The following PRIM2 variants were observed in gnomAD, a reference collection of about 807,000 sequenced individuals.
The protein encoded by PRIM2 is DNA primase subunit 2.
Under a neutral mutation model 67.3 loss-of-function variants are expected in PRIM2, and 39 were observed. The ratio of observed to expected loss-of-function variants is 0.58; its 90% confidence interval spans 0.45 to 0.76. The LOEUF is 0.76. PRIM2 is among the 30% of genes least tolerant of loss of function. PRIM2 has a pLI of 0.00. For missense variants in PRIM2, 398 were observed against 598.7 expected (o/e 0.66, Z 3.50); for synonymous variants, 143 against 198.7 (o/e 0.72, Z 2.36).
At chr6:57,550,248 A>G (rs1351557078) in intron 10 of PRIM2, among the ~76,000 whole-genome samples, 6 of 150,546 alleles carry the variant, frequency 4.0e-5, no homozygotes, top group African/African-American at 1.5e-4. Flanking sequence ...ATTCTCTCTT[A>G]TAAATATTTT....
intron 12 of PRIM2, among the ~76,000 whole-genome samples, chr6:57,626,881 C>G (rs1776957600): frequency 6.6e-6 from 1 of 152,026 alleles, no homozygotes; most frequent in Non-Finnish European, 1.5e-5. Context: ...CTGCCCTGGC[C>G]TCCCAAAGTG....
intron 9 of PRIM2, among the ~76,000 whole-genome samples, chr6:57,535,653 T>C (rs1284244161): frequency 1.3e-5 from 2 of 152,098 alleles, no homozygotes; most frequent in South Asian, 2.1e-4. Context: ...TCACCTGAGG[T>C]CAGGAGTTCG....
At chr6:57,526,647 T>G in intron 8 of PRIM2, among the ~76,000 whole-genome samples, 1 of 152,344 alleles carries the variant, frequency 6.6e-6, no homozygotes, top group Non-Finnish European at 1.5e-5. Flanking sequence ...TATGAAACAT[T>G]AGGAGTAGGA....
At chr6:57,294,051 ATTAG>A in the PRIM2 span, among the ~76,000 whole-genome samples, 34 of 152,360 alleles carry the variant, frequency 2.2e-4, no homozygotes, top group African/African-American at 7.7e-4. Flanking sequence ...ATAATTAGAA[ATTAG>A]TTAAATATAT....
intron 5 of PRIM2, among the ~76,000 whole-genome samples, chr6:57,365,166 G>C (rs1769317170): frequency 6.7e-6 from 1 of 148,920 alleles, no homozygotes; most frequent in African/African-American, 2.5e-5. Flanking sequence ...TAATAGAGAA[G>C]TATTATTTCT....
intron 10 of PRIM2, among the ~76,000 whole-genome samples, chr6:57,549,261 T>C (rs1300472089): frequency 6.6e-6 from 1 of 152,214 alleles, no homozygotes; most frequent in African/African-American, 2.4e-5. Flanking sequence ...TTCTGTTTAA[T>C]TTAATCTCAC....
In PRIM2 at chr6:57,348,810, C is replaced by T. The variant is rs370240806; in HGVS notation, c.459+22765C>T. Among the ~76,000 whole-genome samples the T allele has an allele frequency of 5.5e-5, 8 of 145,568 alleles. No homozygotes were observed. In the South Asian group the frequency reaches 1.1e-3, roughly 20 times the overall value. ...GTTGCCAAGCTGAAGTGCAGTGGCGCGATCTCGGCTCACTGCAACCTCTGC... is the reference window on the plus strand; with the variant it reads ...GTTGCCAAGCTGAAGTGCAGTGGCGTGATCTCGGCTCACTGCAACCTCTGC... On this transcript the variant is annotated intron_variant, in intron 5 of 13. Transcript: ENST00000615550.
chr6:57,458,692 GACAA>G (rs753615827), intron 7 of PRIM2, among the ~76,000 whole-genome samples: 86 of 150,734 alleles, frequency 5.7e-4, no homozygotes, highest in African/African-American at 1.3e-3. Context: ...TCTCAAAAAA[GACAA>G]ACAAACAAAC....
chr6:57,243,717 A>G, the PRIM2 span, among the ~76,000 whole-genome samples: 11 of 152,186 alleles, frequency 7.2e-5, no homozygotes, highest in South Asian at 1.9e-3. Context: ...TCAGGTGATC[A>G]TCCCGCCTCG....
At chr6:57,343,312 A>G (rs531719867) in intron 5 of PRIM2, among the ~76,000 whole-genome samples, 23 of 152,274 alleles carry the variant, frequency 1.5e-4, no homozygotes, top group Non-Finnish European at 2.4e-4. Flanking sequence ...CTCCATTTCT[A>G]TTATGTAAAA....
intron 12 of PRIM2, among the ~76,000 whole-genome samples, chr6:57,606,845 A>G (rs1263973554): frequency 1.3e-5 from 2 of 152,254 alleles, no homozygotes; most frequent in Non-Finnish European, 2.9e-5. Flanking sequence ...TTTTCTGAGC[A>G]GATGATAATG....
intron 5 of PRIM2, among the ~76,000 whole-genome samples, chr6:57,348,473 A>G (rs1222443238): frequency 5.9e-5 from 9 of 152,296 alleles, no homozygotes; most frequent in Non-Finnish European, 7.4e-5. Flanking sequence ...TTTTTTTACT[A>G]TCTCACAAGA....
In PRIM2 at chr6:57,377,043, ATTTTTT is replaced by A. The variant is rs140991831; in HGVS notation, c.460-2846_460-2841del. Among the ~76,000 whole-genome samples, 10 of 136,662 alleles carry A rather than the reference ATTTTTT, an allele frequency of 7.3e-5. No homozygotes were observed. The East Asian group carries it at 2.1e-3, about 29-fold the overall frequency. The allele number at this position is 136,662 out of a possible 152,430, so 89.7% of individuals were successfully genotyped here. ...AGGCGTGCACCACCATGCCCAGCTA[ATTTTTT>A]TTTTTTTTTTTGGTATCTTTAGTAG... On this transcript the variant is annotated intron_variant, in intron 5 of 13. Coordinates refer to ENST00000615550, the MANE Select transcript of PRIM2 (RefSeq NM_000947.5).
intron 5 of PRIM2, among the ~76,000 whole-genome samples, chr6:57,376,276 G>C (rs1769761894): frequency 6.6e-6 from 1 of 152,132 alleles, no homozygotes; most frequent in African/African-American, 2.4e-5. Flanking sequence ...AGCCTCCCAA[G>C]TAGCTGGGAT....
chr6:57,418,411 TTTTTTTA>T (rs1771351644), intron 7 of PRIM2, among the ~76,000 whole-genome samples: 3 of 123,730 alleles, frequency 2.4e-5, no homozygotes, highest in Non-Finnish European at 1.7e-5. Context: ...TTTTTTTTTT[TTTTTTTA>T]ACAGATTCTC....
At chr6:57,453,915 C>T (rs1383934082) in intron 7 of PRIM2, among the ~76,000 whole-genome samples, 1 of 152,118 alleles carries the variant, frequency 6.6e-6, no homozygotes, top group African/African-American at 2.4e-5. Flanking sequence ...ATGATATTGG[C>T]TGTGGGTTTG....
At chr6:57,359,382 C>T (rs2208353) in intron 5 of PRIM2, among the ~76,000 whole-genome samples, 8 of 145,760 alleles carry the variant, frequency 5.5e-5, no homozygotes, top group East Asian at 2.1e-4. Flanking sequence ...ATCCCTGTCA[C>T]GGTGCCATAC....
chr6:57,310,680 C>A (rs1390266743), upstream of PRIM2, among the ~76,000 whole-genome samples: 2 of 143,208 alleles, frequency 1.4e-5, no homozygotes, highest in African/African-American at 5.2e-5. Context: ...ACGGGGCGGC[C>A]AGGCAGAGAC....
chr6:57,407,958 G>T (rs1581874064), intron 7 of PRIM2, among the ~76,000 whole-genome samples: 1 of 152,238 alleles, frequency 6.6e-6, no homozygotes, highest in South Asian at 2.1e-4. Flanking sequence ...ACTTGGGAAG[G>T]TTGGGTAACT....
Sources: gnomAD v4.1 joint callset for allele counts (sites outside exome capture counted in the v4.1 genomes callset) on GRCh38, gnomAD v4.1.1 for gene constraint, MANE v1.5 for transcripts, NCBI Gene and HGNC (gene_info 2026-07-23, HGNC 2026-07-21) for gene names.